The following MAVS variants were observed in gnomAD, a reference collection of about 807,000 sequenced individuals.
MAVS encodes mitochondrial antiviral signaling protein.
Under a neutral mutation model 30.2 loss-of-function variants are expected in MAVS, and 20 were observed. The ratio of observed to expected loss-of-function variants is 0.66; its 90% CI spans 0.47 to 0.96. MAVS has a LOEUF of 0.96. MAVS is among the 40% of genes least tolerant of loss of function. The probability of loss-of-function intolerance (pLI) is 0.00; values close to 1 mark genes in which losing one functional copy is unlikely to be tolerated. For synonymous variants in MAVS, 278 were observed against 293.9 expected (o/e 0.95, Z 0.55); for missense variants, 624 against 701.1 (o/e 0.89, Z 1.24).
At position 3,861,507 on chromosome 20, in the gene MAVS, C is replaced by T; in HGVS notation, c.465+3C>T. ...AGGCGCCAGAGTCCCCAGGAGAGGT[C>T]TGTCCTCATAGTCTACCTTGAGCCA... On this transcript the variant is annotated splice_donor_region_variant and intron_variant, in intron 4 of 6. Coordinates refer to ENST00000428216, the MANE Select transcript of MAVS (RefSeq NM_020746.5). 2 of 1,613,128 alleles carry T rather than the reference C, an allele frequency of 1.2e-6. No homozygotes were observed. Among genetic ancestry groups the T allele is most frequent in the Non-Finnish European group, 1.7e-6 (2 of 1,179,572 alleles).
chr20:3,866,020 G>A lies in MAVS; in HGVS notation c.1496G>A (p.Arg499Gln), dbSNP rs745671644. 9.3e-6 allele frequency: 15 copies of A among 1,612,768 alleles called. No individual in the cohort carries two copies. The highest frequency in any genetic ancestry group is 3.3e-5 in the Admixed American group (2 of 60,008). The stretch of plus-strand genomic sequence containing the variant: ...GGCGGCCCCAGGCCACAAGCCGACC[G>A]GAAGTTCCAGGAGAGGGAGGTGCCA... ...PDGGPRPQAD[R>Q]KFQEREVPCH... Residue 499 changes from arginine to glutamine, a missense_variant, in exon 7 of 7, where the codon CGG becomes CAG. By Grantham distance (43) the Arg-to-Gln change is conservative. Transcript: ENST00000428216.
At position 3,862,420 on chromosome 20, in the gene MAVS, A is replaced by G. The variant is rs1239739777; in HGVS notation, c.625+7A>G. The G allele has an allele frequency of 9.3e-6, 15 of 1,609,440 alleles. No individual in the cohort carries two copies. Among genetic ancestry groups the G allele is most frequent in the East Asian group, 4.5e-5 (2 of 44,668 alleles). Reference sequence around the variant, plus strand: ...GGCAGTACCCACACAGCAGGTATGCATGGAATCTGGAATTATAGGGTCCTT... The same window carrying G: ...GGCAGTACCCACACAGCAGGTATGCGTGGAATCTGGAATTATAGGGTCCTT... On this transcript the variant is annotated splice_region_variant and intron_variant, in intron 5 of 6. Coordinates refer to ENST00000428216, the MANE Select transcript of MAVS (RefSeq NM_020746.5).
In MAVS at chr20:3,865,467, T is replaced by C. The variant is rs1600454870; in HGVS notation, c.1159-216T>C. On this transcript the variant is annotated intron_variant, in intron 6 of 6. Coordinates refer to ENST00000428216, the MANE Select transcript of MAVS (RefSeq NM_020746.5). This position sits in a 1 kb window ranked among gnomAD's most constrained non-coding sequence, Gnocchi z 4.7. ...ATGAGCTCACAGGCAGGCCAGGGAG[T>C]AGGGAAAGGCTGCCCTGGAGGAGGC... is the stretch of plus-strand genomic sequence containing the variant. Among the ~76,000 whole-genome samples, 2 of 151,716 alleles carry C rather than the reference T, an allele frequency of 1.3e-5. No homozygotes were observed. Among genetic ancestry groups the C allele is most frequent in the Admixed American group, 6.6e-5 (1 of 15,230 alleles).
At chr20:3,855,733 T>C (rs2089803836) in intron 2 of MAVS, among the ~76,000 whole-genome samples, 1 of 152,234 alleles carries the variant, frequency 6.6e-6, no homozygotes, top group African/African-American at 2.4e-5. Flanking sequence ...TTTATAGGGA[T>C]ATCTTGTTTT....
At chr20:3,858,057 G>T (rs564906324) in intron 3 of MAVS, 7 of 538,536 alleles carry the variant, frequency 1.3e-5, no homozygotes, top group Non-Finnish European at 2.4e-5. Context: ...AGCATCTGCC[G>T]CGGGGAGCTG....
intron 1 of MAVS, among the ~76,000 whole-genome samples, chr20:3,848,220 T>C (rs947850213): frequency 5.3e-5 from 8 of 152,036 alleles, no homozygotes; most frequent in Non-Finnish European, 1.2e-4. Flanking sequence ...TGCCTCAGCC[T>C]CCTGAGTAGC....
intron 2 of MAVS, among the ~76,000 whole-genome samples, chr20:3,855,635 C>T (rs2089802908): frequency 6.6e-6 from 1 of 152,134 alleles, no homozygotes; most frequent in African/African-American, 2.4e-5. Context: ...TCTCAGGAGC[C>T]CCATTGTTGT....
At chr20:3,858,596 C>A (rs1317750341) in intron 3 of MAVS, among the ~76,000 whole-genome samples, 1 of 146,300 alleles carries the variant, frequency 6.8e-6, no homozygotes, top group African/African-American at 2.5e-5. Flanking sequence ...ACCAGGGAGG[C>A]AGAGGTTGCA....
chr20:3,865,990 C>G lies in MAVS; in HGVS notation c.1466C>G (p.Pro489Arg), dbSNP rs773414275. 6.2e-7 allele frequency: 1 copy of G among 1,613,040 alleles called. No individual in the cohort carries two copies. The highest frequency in any genetic ancestry group is 1.1e-5 in the South Asian group (1 of 91,076). ...LEGNPGPPAD[P>R]DGGPRPQADR... ...GGCAACCCTGGGCCACCTGCGGACC[C>G]GGATGGCGGCCCCAGGCCACAAGCC... The change falls in exon 7 of 7, where the codon CCG becomes CGG. Residue 489 changes from proline to arginine, a missense_variant. Physicochemically the swap from Pro to Arg is moderately radical, Grantham distance 103. Transcript: ENST00000428216. This position sits in a 1 kb window ranked among gnomAD's most constrained non-coding sequence, Gnocchi z 4.7.
chr20:3,853,866 G>C (rs1028645779), intron 1 of MAVS, among the ~76,000 whole-genome samples: 2 of 151,894 alleles, frequency 1.3e-5, no homozygotes, highest in Non-Finnish European at 2.9e-5. Context: ...TTGGCTCACC[G>C]CAACCTCTGC....
chr20:3,850,658 A>C (rs918306393), intron 1 of MAVS, among the ~76,000 whole-genome samples: 2 of 151,452 alleles, frequency 1.3e-5, no homozygotes, highest in African/African-American at 4.9e-5. Context: ...AGGCCGAGGC[A>C]GGCGGATCAC....
chr20:3,865,729 C>T lies in MAVS; in HGVS notation c.1205C>T (p.Ser402Leu), dbSNP rs770426322. ...CCCGCCGGCGCCACTGGAGGCAGCT[C>T]AGCCTGGCTAGACAGCAGCTCTGAG... is the stretch of plus-strand genomic sequence containing the variant. ...PTPAGATGGSSAWLDSSSENR... is the reference protein window; with the variant it reads ...PTPAGATGGSLAWLDSSSENR... The change falls in exon 7 of 7, where the codon TCA (serine) becomes TTA (leucine). Residue 402 changes from serine to leucine, a missense_variant. Ser to Leu is a moderately radical substitution (Grantham distance 145, BLOSUM62 -2). Transcript: ENST00000428216. This position sits in a 1 kb window ranked among gnomAD's most constrained non-coding sequence, Gnocchi z 4.7. 1 of 1,612,886 alleles carries T rather than the reference C, an allele frequency of 6.2e-7. No individual in the cohort carries two copies. Among genetic ancestry groups the T allele is most frequent in the Admixed American group, 1.7e-5 (1 of 59,988 alleles).
intron 3 of MAVS, among the ~76,000 whole-genome samples, chr20:3,859,921 A>C (rs779756721): frequency 7.5e-5 from 11 of 146,870 alleles, no homozygotes; most frequent in Non-Finnish European, 1.4e-4. Flanking sequence ...GGTTCACGCC[A>C]TTCTCCTGCC....
At chr20:3,863,353 GC>G (rs1475035580) in intron 5 of MAVS, among the ~76,000 whole-genome samples, 2 of 152,126 alleles carry the variant, frequency 1.3e-5, no homozygotes, top group Non-Finnish European at 2.9e-5. Flanking sequence ...AGCCCTCAGT[GC>G]CCTGGGACAG....
At position 3,874,413 on chromosome 20, in the gene MAVS, A is replaced by G. The variant is rs1304898887; in HGVS notation, c.*8266A>G. Reference sequence around the variant, plus strand: ...CCACCTAAACAAGAGCAGAGAGGCCATTTGGTCAAAGTTTGCAAAGGAGTC... The same window carrying G: ...CCACCTAAACAAGAGCAGAGAGGCCGTTTGGTCAAAGTTTGCAAAGGAGTC... On this transcript the variant is annotated 3_prime_UTR_variant, in exon 7 of 7. Transcript: ENST00000428216. 5.1e-6 allele frequency: 2 copies of G among 393,586 alleles called. No homozygotes were observed. Among genetic ancestry groups the G allele is most frequent in the Non-Finnish European group, 4.5e-6 (1 of 223,324 alleles). The allele number at this position is 393,586 out of a possible 1,614,324, so 24.4% of individuals were successfully genotyped here. A position where few individuals can be genotyped will look rare whatever the true frequency, so the allele number is the denominator to read the frequency against.
intron 3 of MAVS, 104 bp downstream of exon 3, chr20:3,857,913 T>G (rs1452525690): frequency 7.7e-7 from 1 of 1,294,812 alleles, no homozygotes; most frequent in Non-Finnish European, 1.1e-6. Flanking sequence ...TCATCCTCTT[T>G]CTTGTCACTG....
intron 4 of MAVS, among the ~76,000 whole-genome samples, 185 bp from the exon 5 acceptor site, chr20:3,862,069 G>T (rs536517637): frequency 6.6e-6 from 1 of 152,238 alleles, no homozygotes; most frequent in African/African-American, 2.4e-5. Flanking sequence ...TTTTCTGTGA[G>T]GTAGACGTAA....
intron 1 of MAVS, among the ~76,000 whole-genome samples, chr20:3,847,320 G>T (rs900875439): frequency 1.3e-5 from 2 of 152,144 alleles, no homozygotes; most frequent in African/African-American, 2.4e-5. Flanking sequence ...ACAGTTCTCG[G>T]CGGCGACACC....
At chr20:3,853,263 C>T (rs780793936) in intron 1 of MAVS, among the ~76,000 whole-genome samples, 2 of 150,142 alleles carry the variant, frequency 1.3e-5, no homozygotes, top group Non-Finnish European at 1.5e-5. Context: ...GAGGCGGGCG[C>T]ATCACGAGGT....
Sources: gnomAD v4.1 joint callset for allele counts (sites outside exome capture counted in the v4.1 genomes callset) on GRCh38, gnomAD v4.1.1 for gene constraint, Gnocchi (gnomAD v3.1) non-coding constraint, MANE v1.5 for transcripts, NCBI Gene and HGNC (gene_info 2026-07-23, HGNC 2026-07-21) for gene names.